Variants in MALRD1 observed in about 807,000 individuals in gnomAD.
The protein encoded by MALRD1 is MAM and LDL receptor class A domain containing 1, also known as MAM and LDL-receptor class A domain-containing protein 1.
Under a neutral mutation model 242.1 loss-of-function variants are expected in MALRD1, and 247 were observed. That is an observed-to-expected ratio of 1.02 (90% CI 0.92 to 1.13). The LOEUF (loss-of-function observed/expected upper bound fraction) is 1.13. MALRD1 is among the 50% of genes most tolerant of loss of function. The pLI, the probability that MALRD1 is intolerant of heterozygous loss-of-function variation, is 0.00. For missense variants in MALRD1, 2,989 were observed against 2,533.1 expected (o/e 1.18, Z -3.86); for synonymous variants, 995 against 866.6 (o/e 1.15, Z -2.60).
intron 14 of MALRD1, among the ~76,000 whole-genome samples, chr10:19,176,822 G>C (rs946941290): frequency 3.1e-4 from 47 of 150,912 alleles, no homozygotes; most frequent in African/African-American, 1.1e-3. Flanking sequence ...CTGTGTGTCT[G>C]TGTGTGTGTG....
chr10:19,570,109 A>G (rs182259819), intron 33 of MALRD1, among the ~76,000 whole-genome samples: 2 of 152,106 alleles, frequency 1.3e-5, no homozygotes, highest in Admixed American at 1.3e-4. Context: ...ACAAAACAAA[A>G]CACTAAGACC....
Position 19,585,666 on chromosome 10 carries a change from C to A in MALRD1, c.5681-9528C>A, listed in dbSNP as rs1483872434. ...TTCTGGCTGCCCTTAACATTTTTTC[C>A]TTCATTTCAACTTTGGTGAATCTGA... On this transcript the variant is annotated intron_variant, in intron 33 of 39. Coordinates refer to ENST00000454679, the MANE Select transcript of MALRD1 (RefSeq NM_001142308.3). 3.3e-5 allele frequency among the ~76,000 whole-genome samples: 5 copies of A among 151,962 alleles called. 1 individual carries two copies. Among genetic ancestry groups the A allele is most frequent in the Non-Finnish European group, 7.4e-5 (5 of 68,008 alleles).
At chr10:19,248,895 T>C (rs1040479482) in intron 18 of MALRD1, among the ~76,000 whole-genome samples, 1 of 148,370 alleles carries the variant, frequency 6.7e-6, no homozygotes, top group Non-Finnish European at 1.5e-5. Flanking sequence ...ATATATGATA[T>C]ACGTGTATAT....
chr10:19,603,161 G>C (rs368125578), intron 34 of MALRD1, among the ~76,000 whole-genome samples: 1 of 152,044 alleles, frequency 6.6e-6, no homozygotes, highest in Non-Finnish European at 1.5e-5. Flanking sequence ...CACTCTGATG[G>C]TAATTTCTTT....
chr10:19,363,066 T>G (rs1588967822), intron 26 of MALRD1, among the ~76,000 whole-genome samples: 1 of 152,094 alleles, frequency 6.6e-6, no homozygotes, highest in African/African-American at 2.4e-5. Context: ...TCAGTTTAAA[T>G]GTCCATCGTC....
intron 21 of MALRD1, among the ~76,000 whole-genome samples, chr10:19,311,622 G>T (rs1842427836): frequency 6.6e-6 from 1 of 151,286 alleles, no homozygotes; most frequent in South Asian, 2.1e-4. Context: ...TGTAAATTAT[G>T]AACAATCTAT....
intron 28 of MALRD1, among the ~76,000 whole-genome samples, chr10:19,413,622 T>C (rs1833374649): frequency 6.6e-6 from 1 of 152,198 alleles, no homozygotes; most frequent in Admixed American, 6.5e-5. Flanking sequence ...TCCACCCATT[T>C]ACCAGATTAT....
At chr10:19,562,183 C>G (rs1835997489) in intron 32 of MALRD1, among the ~76,000 whole-genome samples, 1 of 152,092 alleles carries the variant, frequency 6.6e-6, no homozygotes, top group African/African-American at 2.4e-5. Flanking sequence ...GTAATCCCAG[C>G]TACTCAGGAG....
chr10:19,603,008 C>G (rs531960953), intron 34 of MALRD1, among the ~76,000 whole-genome samples: 40 of 152,228 alleles, frequency 2.6e-4, no homozygotes, highest in African/African-American at 9.2e-4. Context: ...TGAGAAGTGT[C>G]CATTCATATC....
chr10:19,506,658 A>C lies in MALRD1; in HGVS notation c.5320+8012A>C, dbSNP rs377626742. ...CATATATAAGTAAATATTTACATAAAATATATTTTCTATTGGTTAGATATG... is the reference window on the plus strand; with the variant it reads ...CATATATAAGTAAATATTTACATAACATATATTTTCTATTGGTTAGATATG... On this transcript the variant is annotated intron_variant, in intron 31 of 39. Transcript: ENST00000454679. 3.9e-5 allele frequency among the ~76,000 whole-genome samples: 6 copies of C among 152,134 alleles called. No individual in the cohort carries two copies. In the East Asian group the frequency reaches 7.7e-4, roughly 20 times the overall value.
At chr10:19,707,439 A>G (rs563618483) in intron 38 of MALRD1, among the ~76,000 whole-genome samples, 1 of 152,234 alleles carries the variant, frequency 6.6e-6, no homozygotes, top group African/African-American at 2.4e-5. Context: ...CAAGTGCTCT[A>G]AACAGAAGAA....
intron 8 of MALRD1, among the ~76,000 whole-genome samples, chr10:19,132,606 G>C (rs867098000): frequency 3.9e-5 from 6 of 152,120 alleles, no homozygotes; most frequent in South Asian, 2.1e-4. Context: ...TTGATATCAA[G>C]TATCATTTGG....
At chr10:19,223,367 T>C (rs183460443) in intron 18 of MALRD1, among the ~76,000 whole-genome samples, 1 of 152,112 alleles carries the variant, frequency 6.6e-6, no homozygotes, top group Non-Finnish European at 1.5e-5. Context: ...GAAATCTGAT[T>C]GTAAACTTTT....
At chr10:19,194,891 G>T (rs1415016711) in intron 14 of MALRD1, among the ~76,000 whole-genome samples, 1 of 152,116 alleles carries the variant, frequency 6.6e-6, no homozygotes, top group East Asian at 1.9e-4. Flanking sequence ...GATTTATACA[G>T]TAGTCCACCC....
intron 21 of MALRD1, among the ~76,000 whole-genome samples, chr10:19,322,912 C>T (rs887055298): frequency 6.6e-6 from 1 of 152,184 alleles, no homozygotes; most frequent in South Asian, 2.1e-4. Context: ...TGCCAGAATA[C>T]CCAAACTGTG....
chr10:19,420,189 A>G (rs561471183), intron 28 of MALRD1, among the ~76,000 whole-genome samples: 1 of 152,220 alleles, frequency 6.6e-6, no homozygotes, highest in South Asian at 2.1e-4. Flanking sequence ...TGAGCAGGCT[A>G]AACTAATTAT....
chr10:19,114,761 C>T lies in MALRD1; in HGVS notation c.695-8731C>T, dbSNP rs1398493633. 2.0e-5 allele frequency among the ~76,000 whole-genome samples: 3 copies of T among 152,266 alleles called. No homozygotes were observed. In the East Asian group the frequency reaches 5.8e-4, roughly 29 times the overall value. On this transcript the variant is annotated intron_variant, in intron 5 of 39. Transcript: ENST00000454679. The stretch of plus-strand genomic sequence containing the variant: ...ACAAAGTACCTCAGACTGTGTTACT[C>T]AAACAATAGAAATTTATTTTTTCTT...
intron 18 of MALRD1, among the ~76,000 whole-genome samples, chr10:19,226,696 A>G (rs746489060): frequency 6.6e-6 from 1 of 152,032 alleles, no homozygotes; most frequent in South Asian, 2.1e-4. Flanking sequence ...AAAAGAAAAT[A>G]AGAAATAAGT....
intron 26 of MALRD1, among the ~76,000 whole-genome samples, chr10:19,368,694 T>A (rs1845216002): frequency 6.6e-6 from 1 of 151,998 alleles, no homozygotes; most frequent in Non-Finnish European, 1.5e-5. Context: ...AATCTATAGA[T>A]TTCTTATGTA....
Sources: allele counts gnomAD v4.1 joint callset (sites outside exome capture counted in the v4.1 genomes callset), GRCh38; gene constraint gnomAD v4.1.1; transcripts MANE v1.5; gene names NCBI Gene and HGNC (gene_info 2026-07-23, HGNC 2026-07-21).